Variants in LRRC7 observed in about 807,000 individuals in gnomAD.
LRRC7 encodes leucine rich repeat containing 7.
A neutral mutation model predicts 175.7 loss-of-function variants in LRRC7; 23 were observed. That is an observed-to-expected ratio of 0.13 (90% CI 0.09 to 0.19). The LOEUF is 0.19. Among genes scored for constraint, LRRC7 ranks in the 10% least tolerant of loss-of-function variants. The pLI is 1.00. For missense variants in LRRC7, 1,354 were observed against 1,904.7 expected, an observed-to-expected ratio of 0.71 and a Z score of 5.38; for synonymous variants, 685 against 680.9, an observed-to-expected ratio of 1.01 and a Z score of -0.09.
intron 1 of LRRC7, among the ~76,000 whole-genome samples, chr1:69,585,617 A>ATTG (rs1174825086): frequency 1.6e-4 from 25 of 152,342 alleles, no homozygotes; most frequent in African/African-American, 5.1e-4. Flanking sequence ...CATATGTATA[A>ATTG]GTATCTATGA....
intron 8 of LRRC7, among the ~76,000 whole-genome samples, chr1:69,953,532 T>C (rs1650169482): frequency 6.6e-6 from 1 of 152,092 alleles, no homozygotes; most frequent in South Asian, 2.1e-4. Flanking sequence ...ATAGTGCCTA[T>C]AACAGATTCT....
chr1:70,059,022 AG>A (rs1661371087), intron 23 of LRRC7, among the ~76,000 whole-genome samples: 1 of 152,250 alleles, frequency 6.6e-6, no homozygotes, highest in Non-Finnish European at 1.5e-5. Flanking sequence ...TGCAGCCAAA[AG>A]GCTACAGTGA....
chr1:69,681,575 A>C (rs375455028), intron 2 of LRRC7, among the ~76,000 whole-genome samples: 1 of 152,304 alleles, frequency 6.6e-6, no homozygotes, highest in South Asian at 2.1e-4. Context: ...CTTTCAATAA[A>C]AATGGATTAT....
At chr1:69,945,404 A>G (rs1649201311) in intron 8 of LRRC7, among the ~76,000 whole-genome samples, 7 of 152,016 alleles carry the variant, frequency 4.6e-5, no homozygotes, top group Admixed American at 4.6e-4. Flanking sequence ...CAATTACCAT[A>G]ACTTTTTAGT....
chr1:69,913,998 C>G (rs1196591709), intron 7 of LRRC7, among the ~76,000 whole-genome samples: 2 of 152,058 alleles, frequency 1.3e-5, no homozygotes, highest in African/African-American at 4.8e-5. Flanking sequence ...TCCAAATGTC[C>G]ATTAAACACA....
intron 8 of LRRC7, among the ~76,000 whole-genome samples, chr1:69,963,547 C>T (rs531227961): frequency 1.3e-5 from 2 of 152,148 alleles, no homozygotes; most frequent in East Asian, 3.9e-4. Flanking sequence ...CTGCTTCAAG[C>T]AGGAGTAATT....
chr1:69,770,503 G>C (rs1672113714), intron 3 of LRRC7, among the ~76,000 whole-genome samples: 1 of 152,112 alleles, frequency 6.6e-6, no homozygotes, highest in African/African-American at 2.4e-5. Context: ...CTCAAAACTT[G>C]AATGATCATT....
chr1:69,678,435 T>A lies in LRRC7; in HGVS notation c.57T>A (p.Cys19Ter). ...CCCCGCAATACCAGAGAAGTCCTTGTAAAGAGGTTCGTGCAGCACTTCGGA... is the reference window on the plus strand; with the variant it reads ...CCCCGCAATACCAGAGAAGTCCTTGAAAAGAGGTTCGTGCAGCACTTCGGA... ...RNPPQYQRSPCKEVRAALRKR... is the reference protein window; with the variant it reads ...RNPPQYQRSP The change falls in exon 2 of 27, where the codon TGT (cysteine) becomes TGA (stop). Residue 19 changes from cysteine to a stop codon, truncating the protein, a stop_gained. Coordinates refer to ENST00000651989, the MANE Select transcript of LRRC7 (RefSeq NM_001370785.2). LOFTEE classifies it high-confidence loss of function. The A allele has an allele frequency of 1.2e-6, 2 of 1,605,792 alleles. No homozygotes were observed. Among genetic ancestry groups the A allele is most frequent in the Non-Finnish European group, 1.7e-6 (2 of 1,176,496 alleles).
At chr1:69,817,525 T>G (rs1678741012) in intron 4 of LRRC7, among the ~76,000 whole-genome samples, 1 of 152,110 alleles carries the variant, frequency 6.6e-6, no homozygotes, top group African/African-American at 2.4e-5. Flanking sequence ...CCGTTTTGAT[T>G]ATAATAGCTT....
intron 3 of LRRC7, among the ~76,000 whole-genome samples, chr1:69,772,051 G>A (rs1672300720): frequency 6.6e-6 from 1 of 152,094 alleles, no homozygotes. Flanking sequence ...AACCCAGGAG[G>A]TGGAGGCTGC....
In LRRC7 at chr1:69,730,118, G is replaced by A. The variant is rs569482084; in HGVS notation, c.101-30073G>A. ...AAGTCCTGAAGCTGCACACAGCAGG[G>A]GGCCCTTGACCTGGCCCAAGAAACC... On this transcript the variant is annotated intron_variant, in intron 2 of 26. Coordinates refer to ENST00000651989, the MANE Select transcript of LRRC7 (RefSeq NM_001370785.2). Among the ~76,000 whole-genome samples the A allele has an allele frequency of 3.3e-5, 5 of 152,290 alleles. No individual in the cohort carries two copies. The East Asian group carries it at 9.7e-4, about 29-fold the overall frequency.
chr1:70,021,363 C>A, intron 16 of LRRC7: 2 of 333,896 alleles, frequency 6.0e-6, no homozygotes, highest in South Asian at 3.9e-5. Context: ...AGAATAACTG[C>A]ATGAGAGAGA....
intron 25 of LRRC7, among the ~76,000 whole-genome samples, chr1:70,098,720 G>T (rs991009394): frequency 6.6e-6 from 1 of 151,696 alleles, no homozygotes; most frequent in African/African-American, 2.4e-5. Flanking sequence ...AGAAAATCTA[G>T]AAGAAATGGA....
intron 24 of LRRC7, among the ~76,000 whole-genome samples, chr1:70,079,899 T>C (rs933686409): frequency 2.0e-5 from 3 of 152,348 alleles, no homozygotes; most frequent in Admixed American, 6.5e-5. Context: ...TTTTATTTCA[T>C]CCTCATAATA....
chr1:69,605,800 A>T (rs1166053772), intron 1 of LRRC7, among the ~76,000 whole-genome samples: 1 of 152,120 alleles, frequency 6.6e-6, no homozygotes. Flanking sequence ...GTAAGAGGAC[A>T]TGAGTTTTTA....
intron 23 of LRRC7, among the ~76,000 whole-genome samples, chr1:70,070,796 ACT>A (rs1286566289): frequency 6.6e-6 from 1 of 151,866 alleles, no homozygotes; most frequent in Non-Finnish European, 1.5e-5. Flanking sequence ...GAAAGTCTTG[ACT>A]CTCTACTAGG....
intron 11 of LRRC7, among the ~76,000 whole-genome samples, chr1:70,001,036 G>A (rs1310582433): frequency 6.6e-6 from 1 of 151,702 alleles, no homozygotes; most frequent in Non-Finnish European, 1.5e-5. Context: ...TTTTTATTTT[G>A]TCATCTCATT....
At chr1:70,047,864 C>T (rs1660453814) in intron 22 of LRRC7, among the ~76,000 whole-genome samples, 1 of 151,804 alleles carries the variant, frequency 6.6e-6, no homozygotes, top group Non-Finnish European at 1.5e-5. Context: ...TATTTAGATG[C>T]TTATGCTAAT....
intron 7 of LRRC7, among the ~76,000 whole-genome samples, chr1:69,922,718 G>C (rs553190937): frequency 6.6e-6 from 1 of 152,076 alleles, no homozygotes; most frequent in South Asian, 2.1e-4. Flanking sequence ...CAAATTAAGT[G>C]GTCAGTTCTC....
Sources: gnomAD v4.1 joint callset for allele counts (sites outside exome capture counted in the v4.1 genomes callset) on GRCh38, gnomAD v4.1.1 for gene constraint, MANE v1.5 for transcripts, NCBI Gene and HGNC (gene_info 2026-07-23, HGNC 2026-07-21) for gene names.